NFIB: variants seen among roughly 807,000 people sequenced by gnomAD.
The protein encoded by NFIB is nuclear factor I B, also known as nuclear factor 1 B-type.
In NFIB, 11 loss-of-function variants were observed where a neutral mutation model predicts 61.5. That is an observed-to-expected ratio of 0.18 (90% CI 0.11 to 0.30). NFIB has a LOEUF of 0.30. Ranked by LOEUF, NFIB falls within the 10% of genes least tolerant of loss-of-function variation. The pLI is 1.00. For missense variants in NFIB, 471 were observed against 608.9 expected (o/e 0.77, Z 2.38); for synonymous variants, 260 against 216.5 (o/e 1.20, Z -1.76).
intron 1 of NFIB, among the ~76,000 whole-genome samples, chr9:14,393,289 T>G (rs973096861): frequency 6.6e-6 from 1 of 152,136 alleles, no homozygotes; most frequent in African/African-American, 2.4e-5. Context: ...GGCTATGGCC[T>G]AAAAAAATAC....
chr9:14,214,149 A>G (rs1401345743), intron 2 of NFIB, among the ~76,000 whole-genome samples: 1 of 152,114 alleles, frequency 6.6e-6, no homozygotes, highest in African/African-American at 2.4e-5. Flanking sequence ...AGCGACAGAG[A>G]TAAGGAAAGC....
chr9:14,320,983 G>T (rs2060646207), intron 1 of NFIB, among the ~76,000 whole-genome samples: 1 of 152,060 alleles, frequency 6.6e-6, no homozygotes, highest in Non-Finnish European at 1.5e-5. Context: ...CCTGTCTCAA[G>T]TTCAGTGGCA....
At chr9:14,441,788 C>T in the NFIB span, among the ~76,000 whole-genome samples, 1 of 152,116 alleles carries the variant, frequency 6.6e-6, no homozygotes, top group Non-Finnish European at 1.5e-5. Context: ...TGCTATCCAT[C>T]CCTAGCCATA....
intron 3 of NFIB, among the ~76,000 whole-genome samples, chr9:14,169,726 G>C (rs1448912225): frequency 6.6e-6 from 1 of 152,228 alleles, no homozygotes; most frequent in Non-Finnish European, 1.5e-5. Context: ...GCTGAGGCAG[G>C]AGAATTGCTT....
At chr9:14,191,594 A>G (rs1203668898) in intron 2 of NFIB, among the ~76,000 whole-genome samples, 1 of 152,180 alleles carries the variant, frequency 6.6e-6, no homozygotes, top group Non-Finnish European at 1.5e-5. Flanking sequence ...ATTCAAATCA[A>G]TTCCTTATGA....
At chr9:14,342,793 G>A (rs1306743418) in intron 1 of NFIB, among the ~76,000 whole-genome samples, 4 of 152,124 alleles carry the variant, frequency 2.6e-5, no homozygotes, top group African/African-American at 9.7e-5. Flanking sequence ...GTATATGCAT[G>A]TGCATATGTG....
At chr9:14,189,681 G>C (rs998225887) in intron 2 of NFIB, among the ~76,000 whole-genome samples, 1 of 150,564 alleles carries the variant, frequency 6.6e-6, no homozygotes. Context: ...GGCTGGGTTA[G>C]AGTGCAACTC....
the NFIB span, among the ~76,000 whole-genome samples, chr9:14,530,765 C>A: frequency 2.6e-5 from 4 of 152,234 alleles, no homozygotes; most frequent in Non-Finnish European, 4.4e-5. Flanking sequence ...GCTGGCCATA[C>A]CCCTCCCCAC....
chr9:14,289,303 CT>C (rs1237235717), intron 2 of NFIB, among the ~76,000 whole-genome samples: 4 of 150,624 alleles, frequency 2.7e-5, no homozygotes, highest in African/African-American at 9.8e-5. Flanking sequence ...CAACACTGAA[CT>C]AAAGAATCAA....
the NFIB span, among the ~76,000 whole-genome samples, chr9:14,530,395 G>C: frequency 6.7e-6 from 1 of 148,996 alleles, no homozygotes; most frequent in Admixed American, 6.9e-5. Flanking sequence ...TAAAATAGGG[G>C]TGAGGGGAAA....
intron 3 of NFIB, among the ~76,000 whole-genome samples, chr9:14,166,178 TGATTA>T (rs1254295861): frequency 6.6e-6 from 1 of 152,184 alleles, no homozygotes; most frequent in Non-Finnish European, 1.5e-5. Flanking sequence ...ACTATTCTCA[TGATTA>T]GTCTCTATCT....
chr9:14,336,658 T>C (rs543049156), intron 1 of NFIB, among the ~76,000 whole-genome samples: 76 of 152,372 alleles, frequency 5.0e-4, no homozygotes, highest in African/African-American at 1.7e-3. Context: ...TTCATGGGCA[T>C]GGACCTGCGC....
At chr9:14,459,459 A>T in the NFIB span, among the ~76,000 whole-genome samples, 1 of 152,230 alleles carries the variant, frequency 6.6e-6, no homozygotes, top group African/African-American at 2.4e-5. Context: ...AGGCATGGGT[A>T]AGGACTTCAT....
At chr9:14,481,049 T>C in the NFIB span, among the ~76,000 whole-genome samples, 2 of 151,064 alleles carry the variant, frequency 1.3e-5, no homozygotes, top group South Asian at 2.1e-4. Context: ...TTTGCCAGAC[T>C]GGGGAGCATG....
In NFIB at chr9:14,213,351, G is replaced by C. The variant is rs2050513348; in HGVS notation, c.563-33571C>G. ...CCCAGGTTCCTTGTTAGTCACATAA[G>C]GGATCTGTAATAAACACTTCCTAAG... On this transcript the variant is annotated intron_variant, in intron 2 of 10. Coordinates refer to ENST00000380953, the MANE Select transcript of NFIB (RefSeq NM_001190737.2). 1.3e-5 allele frequency among the ~76,000 whole-genome samples: 2 copies of C among 152,130 alleles called. 1 individual carries two copies. The highest frequency in any genetic ancestry group is 4.8e-5 in the African/African-American group (2 of 41,438).
chr9:14,261,756 A>T (rs2056774706), intron 2 of NFIB, among the ~76,000 whole-genome samples: 1 of 152,242 alleles, frequency 6.6e-6, no homozygotes, highest in Non-Finnish European at 1.5e-5. Context: ...CCCACACAGC[A>T]GACAATGGTT....
At chr9:14,475,741 G>C in the NFIB span, among the ~76,000 whole-genome samples, 1 of 152,144 alleles carries the variant, frequency 6.6e-6, no homozygotes, top group Non-Finnish European at 1.5e-5. Flanking sequence ...GGGAGCATCT[G>C]AGCTTTCCAA....
At chr9:14,283,832 A>G (rs1413285479) in intron 2 of NFIB, among the ~76,000 whole-genome samples, 3 of 152,254 alleles carry the variant, frequency 2.0e-5, no homozygotes, top group African/African-American at 7.2e-5. Context: ...GCAAGTAGAA[A>G]GAAGAAACAT....
At chr9:14,146,589 A>T in intron 6 of NFIB, 100 bp downstream of exon 6, 1 of 1,495,362 alleles carries the variant, frequency 6.7e-7, no homozygotes, top group Non-Finnish European at 9.2e-7. Flanking sequence ...AAAAATATAC[A>T]ATCCATATTG....
Sources: allele counts gnomAD v4.1 joint callset (sites outside exome capture counted in the v4.1 genomes callset), GRCh38; gene constraint gnomAD v4.1.1; transcripts MANE v1.5; gene names NCBI Gene and HGNC (gene_info 2026-07-23, HGNC 2026-07-21).